The following ETFA variants were observed in gnomAD, a reference collection of about 807,000 sequenced individuals.
ETFA encodes electron transfer flavoprotein subunit alpha, mitochondrial.
Under a neutral mutation model 46.2 loss-of-function variants are expected in ETFA, and 22 were observed. That is an observed-to-expected ratio of 0.48 (90% CI 0.34 to 0.68). The LOEUF (loss-of-function observed/expected upper bound fraction) is 0.68. Among genes scored for constraint, ETFA ranks in the 30% least tolerant of loss-of-function variants. The probability of loss-of-function intolerance (pLI) is 0.01; values close to 1 mark genes in which losing one functional copy is unlikely to be tolerated. For missense variants in ETFA, 345 were observed against 401.1 expected (o/e 0.86, Z 1.19); for synonymous variants, 131 against 139.9 (o/e 0.94, Z 0.45).
intron 2 of ETFA, among the ~76,000 whole-genome samples, chr15:76,293,055 T>C (rs2039783358): frequency 2.0e-5 from 3 of 152,176 alleles, no homozygotes; most frequent in African/African-American, 7.2e-5. Flanking sequence ...GAGAATGGCT[T>C]GAACCCAGGA....
intron 8 of ETFA, among the ~76,000 whole-genome samples, chr15:76,283,482 G>T (rs980772277): frequency 3.3e-5 from 5 of 152,118 alleles, no homozygotes; most frequent in African/African-American, 1.2e-4. Context: ...GTGTGTCACT[G>T]CGCCTGGCCC....
intron 9 of ETFA, chr15:76,259,921 T>G: frequency 7.7e-7 from 1 of 1,299,026 alleles, no homozygotes; most frequent in Admixed American, 1.7e-5. Context: ...GGTGACAGCC[T>G]TTAGCCCTGC....
Position 76,249,587 on chromosome 15 carries a change from G to A in ETFA, c.817-18189C>T, listed in dbSNP as rs911796727. ...CTCCCGAGTAGCTGGGACTACAGGC[G>A]CCCGCCACCACGCCCAGCTAATTTT... On this transcript the variant is annotated intron_variant, in intron 9 of 11. Coordinates refer to ENST00000557943, the MANE Select transcript of ETFA (RefSeq NM_000126.4). Among the ~76,000 whole-genome samples, 9 of 151,676 alleles carry A rather than the reference G, an allele frequency of 5.9e-5. No homozygotes were observed. In the East Asian group the frequency reaches 9.7e-4, roughly 16 times the overall value.
intron 9 of ETFA, among the ~76,000 whole-genome samples, chr15:76,249,280 C>T (rs930408682): frequency 1.3e-5 from 2 of 151,750 alleles, no homozygotes; most frequent in Admixed American, 6.6e-5. Context: ...AGGCATGTGC[C>T]GCCACGCCTG....
intron 1 of ETFA, among the ~76,000 whole-genome samples, chr15:76,297,580 T>C (rs2039837910): frequency 6.6e-6 from 1 of 152,064 alleles, no homozygotes; most frequent in South Asian, 2.1e-4. Context: ...AGAAGGCCCA[T>C]ACTTGCTGTA....
At chr15:76,274,804 C>T (rs2039576424) in intron 8 of ETFA, among the ~76,000 whole-genome samples, 1 of 152,094 alleles carries the variant, frequency 6.6e-6, no homozygotes, top group Non-Finnish European at 1.5e-5. Flanking sequence ...ACAATATTAC[C>T]TCTTGTAATA....
chr15:76,237,115 C>T (rs544856680), intron 9 of ETFA, among the ~76,000 whole-genome samples: 54 of 152,226 alleles, frequency 3.5e-4, no homozygotes, highest in African/African-American at 1.2e-3. Flanking sequence ...TGCAGTGGCA[C>T]GATCTTGGCT....
chr15:76,282,367 C>T (rs1292484751), intron 8 of ETFA, among the ~76,000 whole-genome samples: 1 of 152,136 alleles, frequency 6.6e-6, no homozygotes, highest in Non-Finnish European at 1.5e-5. Flanking sequence ...CTCCTAGAGC[C>T]CCCAGAGGGA....
chr15:76,303,603 A>T (rs2039904615), intron 1 of ETFA, among the ~76,000 whole-genome samples: 1 of 152,236 alleles, frequency 6.6e-6, no homozygotes, highest in Non-Finnish European at 1.5e-5. Flanking sequence ...TCTATAAGGA[A>T]CTTAAATCAA....
At chr15:76,281,546 C>A (rs2039651972) in intron 8 of ETFA, among the ~76,000 whole-genome samples, 1 of 152,030 alleles carries the variant, frequency 6.6e-6, no homozygotes, top group Non-Finnish European at 1.5e-5. Context: ...CTGCCTTAGC[C>A]TCCCAAGTAG....
chr15:76,259,268 G>T, intron 9 of ETFA: 1 of 1,566,532 alleles, frequency 6.4e-7, no homozygotes, highest in African/African-American at 1.4e-5. Context: ...CCTGGCTGGC[G>T]GATAGCACAG....
intron 9 of ETFA, among the ~76,000 whole-genome samples, chr15:76,249,857 T>A (rs2039280881): frequency 6.6e-6 from 1 of 152,210 alleles, no homozygotes; most frequent in African/African-American, 2.4e-5. Context: ...AAAGTTTTTT[T>A]AAAACTGTAA....
At chr15:76,263,064 T>C (rs2039433112) in intron 9 of ETFA, among the ~76,000 whole-genome samples, 1 of 152,206 alleles carries the variant, frequency 6.6e-6, no homozygotes, top group Admixed American at 6.5e-5. Flanking sequence ...AGTAGCCATA[T>C]GTTTCAAAGA....
intron 8 of ETFA, among the ~76,000 whole-genome samples, chr15:76,280,891 C>T (rs1204489177): frequency 9.3e-5 from 14 of 151,130 alleles, no homozygotes; most frequent in Non-Finnish European, 1.8e-4. Flanking sequence ...CGCTTCCTCA[C>T]CTCCTTCAAA....
chr15:76,227,515 C>A (rs199625597), intron 10 of ETFA, among the ~76,000 whole-genome samples: 763 of 80,210 alleles, frequency 9.5e-3, no homozygotes, highest in Middle Eastern at 0.045. Flanking sequence ...GACTCTGTCT[C>A]AAAAAAAAAA....
At chr15:76,271,052 C>G (rs1051628902) in intron 9 of ETFA, among the ~76,000 whole-genome samples, 5 of 151,780 alleles carry the variant, frequency 3.3e-5, no homozygotes, top group African/African-American at 7.3e-5. Context: ...TGCCTGTAAT[C>G]CAAGCTACTC....
At chr15:76,302,039 T>C (rs1246242509) in intron 1 of ETFA, among the ~76,000 whole-genome samples, 3 of 152,180 alleles carry the variant, frequency 2.0e-5, no homozygotes, top group Non-Finnish European at 4.4e-5. Flanking sequence ...CAATACCAAA[T>C]GCTAGTAAGG....
rs191803651 is a variant in ETFA, at chr15:76,269,204, G to A, written c.816+5208C>T. 2.4e-3 allele frequency among the ~76,000 whole-genome samples: 361 copies of A among 152,248 alleles called. 17 individuals are homozygous for A. The East Asian group carries it at 0.05, about 21-fold the overall frequency. ...AAGAACAAGCAATGATAGCTGTGGC[G>A]GTTTTACAAAAAAGAAAAGGGGGGC... On this transcript the variant is annotated intron_variant, in intron 9 of 11. Coordinates refer to ENST00000557943, the MANE Select transcript of ETFA (RefSeq NM_000126.4).
intron 9 of ETFA, among the ~76,000 whole-genome samples, chr15:76,242,520 T>C (rs913983683): frequency 6.6e-6 from 1 of 152,216 alleles, no homozygotes; most frequent in Non-Finnish European, 1.5e-5. Context: ...AACTACCATA[T>C]GTCTCAGCAA....
Sources: gnomAD v4.1 joint callset for allele counts (sites outside exome capture counted in the v4.1 genomes callset) on GRCh38, gnomAD v4.1.1 for gene constraint, MANE v1.5 for transcripts, NCBI Gene and HGNC (gene_info 2026-07-23, HGNC 2026-07-21) for gene names.